Variants in LINGO1 observed in about 807,000 individuals in gnomAD.
LINGO1 encodes leucine rich repeat and Ig domain containing 1.
LINGO1 carries 11 observed loss-of-function variants against 37.3 expected under a neutral mutation model. The ratio of observed to expected loss-of-function variants is 0.29; its 90% CI spans 0.19 to 0.49. The LOEUF is 0.49. LINGO1 is among the 20% of genes least tolerant of loss of function. LINGO1 has a pLI of 0.99. For synonymous variants in LINGO1, 387 were observed against 403.0 expected (o/e 0.96, Z 0.48); for missense variants, 585 against 878.2 (o/e 0.67, Z 4.22).
chr15:77,623,283 G>T (rs1048248411), intron 1 of LINGO1, among the ~76,000 whole-genome samples: 1 of 152,178 alleles, frequency 6.6e-6, no homozygotes, highest in Non-Finnish European at 1.5e-5. Flanking sequence ...GAGAGCAAAG[G>T]TGTGCAGGGG....
chr15:77,623,728 C>A (rs554981132), intron 1 of LINGO1, among the ~76,000 whole-genome samples: 2 of 139,824 alleles, frequency 1.4e-5, no homozygotes, highest in Non-Finnish European at 3.1e-5. Context: ...GACAGAAAAA[C>A]CAACGTGGAA....
At chr15:77,787,412 G>A (rs190634173), upstream of LINGO1, among the ~76,000 whole-genome samples, 9 of 152,250 alleles carry the variant, frequency 5.9e-5, no homozygotes, top group South Asian at 2.1e-4. Flanking sequence ...TGATAAAACC[G>A]AGAGCCAAGC....
At chr15:77,637,764 G>T (rs528248149), upstream of LINGO1, among the ~76,000 whole-genome samples, 1 of 152,096 alleles carries the variant, frequency 6.6e-6, no homozygotes, top group African/African-American at 2.4e-5. This position sits in a 1 kb window ranked among gnomAD's most constrained non-coding sequence, Gnocchi z 4.6. Context: ...ATTCTCTGTC[G>T]CCTGAGAATC....
intron 1 of LINGO1, among the ~76,000 whole-genome samples, chr15:77,786,400 AC>A (rs111626558): frequency 5.5e-4 from 83 of 151,770 alleles, no homozygotes; most frequent in African/African-American, 1.9e-3. Context: ...CCCGCCCACC[AC>A]CCCTGGGATC....
intron 3 of LINGO1, among the ~76,000 whole-genome samples, chr15:77,662,118 A>G (rs1369138247): frequency 1.3e-5 from 2 of 152,210 alleles, no homozygotes; most frequent in Non-Finnish European, 2.9e-5. Flanking sequence ...TTCCAGCTCC[A>G]TACCCCATTG....
chr15:77,775,398 C>T (rs546292597), intron 1 of LINGO1, among the ~76,000 whole-genome samples: 7 of 152,302 alleles, frequency 4.6e-5, no homozygotes, highest in Non-Finnish European at 1.0e-4. Flanking sequence ...CCTACCACTA[C>T]CCAGTTTGCA....
At chr15:77,713,210 T>TTTTGTGTGTGTGTGTG (rs1241253175) in intron 2 of LINGO1, among the ~76,000 whole-genome samples, 1 of 123,722 alleles carries the variant, frequency 8.1e-6, no homozygotes, top group African/African-American at 3.2e-5. Flanking sequence ...GCCCAGCTAA[T>TTTTGTGTGTGTGTGTG]TGTGTGTGTG....
chr15:77,618,116 C>T (rs939888395), intron 1 of LINGO1, among the ~76,000 whole-genome samples: 1 of 152,178 alleles, frequency 6.6e-6, no homozygotes, highest in African/African-American at 2.4e-5. Context: ...AGGCTGGGGA[C>T]CTCAATAGGT....
chr15:77,715,090 T>C (rs4334265), intron 2 of LINGO1, among the ~76,000 whole-genome samples: 73,145 of 152,094 alleles, frequency 0.48, 17,931 homozygotes, highest in Admixed American at 0.6. Flanking sequence ...TGAGCCCACC[T>C]GAGCTTGGCC....
chr15:77,780,669 A>G (rs1310684581), intron 1 of LINGO1, among the ~76,000 whole-genome samples: 1 of 151,986 alleles, frequency 6.6e-6, no homozygotes, highest in Admixed American at 6.6e-5. Flanking sequence ...CTGTATTTGG[A>G]GTAAGGAGGT....
intron 2 of LINGO1, among the ~76,000 whole-genome samples, chr15:77,731,155 G>C (rs1196734254): frequency 1.3e-5 from 2 of 152,134 alleles, no homozygotes; most frequent in East Asian, 3.9e-4. Flanking sequence ...AGGCAGGCTG[G>C]GGTGGGGGCA....
chr15:77,689,301 G>C (rs948135811), intron 2 of LINGO1, among the ~76,000 whole-genome samples: 1 of 152,172 alleles, frequency 6.6e-6, no homozygotes, highest in African/African-American at 2.4e-5. Context: ...ACCGGGGGCA[G>C]GAAGAGCAAA....
upstream of LINGO1, among the ~76,000 whole-genome samples, chr15:77,791,834 G>A (rs1309868019): frequency 6.6e-6 from 1 of 152,110 alleles, no homozygotes; most frequent in East Asian, 1.9e-4. Context: ...CCACTTGGGA[G>A]GAGCAGCTGG....
Position 77,615,469 on chromosome 15 carries a change from G to C in LINGO1, c.438C>G (p.Thr146=). 6.2e-7 allele frequency: 1 copy of C among 1,614,036 alleles called. No homozygotes were observed. Among genetic ancestry groups the C allele is most frequent in the Non-Finnish European group, 8.5e-7 (1 of 1,179,892 alleles). The stretch of plus-strand genomic sequence containing the variant: ...TCTTGTTCTCGCTGATGTCCAGCTT[G>C]GTCAGGTTGCTGAGGCCAGTGAAGA... The part of the protein sequence containing the change: ...LGVFTGLSNL[T]KLDISENKIV... The change falls in exon 2 of 2, where the codon ACC becomes ACG. Residue 146 remains threonine (T), a synonymous_variant. Transcript: ENST00000355300.
chr15:77,624,570 A>G (rs941002247), intron 1 of LINGO1, among the ~76,000 whole-genome samples: 2 of 152,210 alleles, frequency 1.3e-5, no homozygotes, highest in African/African-American at 4.8e-5. Context: ...TTGTCAGAGC[A>G]TCTTAGTGTT....
intron 1 of LINGO1, among the ~76,000 whole-genome samples, chr15:77,810,257 C>G (rs1391341371): frequency 1.8e-5 from 2 of 113,490 alleles, no homozygotes; most frequent in African/African-American, 5.4e-5. Flanking sequence ...CACGCATACA[C>G]ATGCACACAC....
At chr15:77,777,888 A>G (rs1327716336) in intron 1 of LINGO1, among the ~76,000 whole-genome samples, 2 of 134,840 alleles carry the variant, frequency 1.5e-5, no homozygotes, top group Non-Finnish European at 3.1e-5. Flanking sequence ...GTGCCACTGT[A>G]TTTCCTGTCT....
At chr15:77,721,618 T>C (rs71407222) in intron 2 of LINGO1, among the ~76,000 whole-genome samples, 1 of 152,232 alleles carries the variant, frequency 6.6e-6, no homozygotes, top group Non-Finnish European at 1.5e-5. Flanking sequence ...TTTACTATTG[T>C]ATCCCCAGTG....
chr15:77,667,447 G>C (rs897059627), intron 3 of LINGO1, among the ~76,000 whole-genome samples: 3 of 152,214 alleles, frequency 2.0e-5, no homozygotes, highest in African/African-American at 7.2e-5. Context: ...GAAGGAGGCA[G>C]CTGCTGAATA....
Sources: allele counts gnomAD v4.1 joint callset (sites outside exome capture counted in the v4.1 genomes callset), GRCh38; gene constraint gnomAD v4.1.1; non-coding constraint Gnocchi (gnomAD v3.1); transcripts MANE v1.5; gene names NCBI Gene and HGNC (gene_info 2026-07-23, HGNC 2026-07-21).